The following COL25A1 variants were observed in gnomAD, a reference collection of about 807,000 sequenced individuals.
COL25A1 encodes the protein collagen type XXV alpha 1 chain, also known as collagen alpha-1(XXV) chain.
A neutral mutation model predicts 128.4 loss-of-function variants in COL25A1; 103 were observed. The ratio of observed to expected loss-of-function variants is 0.80; its 90% CI spans 0.68 to 0.94. The LOEUF is 0.94. Ranked by LOEUF, COL25A1 falls within the 40% of genes least tolerant of loss-of-function variation. The pLI is 0.00. For missense variants in COL25A1, 745 were observed against 840.0 expected, an observed-to-expected ratio of 0.89 and a Z score of 1.40; for synonymous variants, 279 against 277.2, an observed-to-expected ratio of 1.01 and a Z score of -0.06.
At chr4:108,898,667 G>A (rs1041732116) in intron 15 of COL25A1, among the ~76,000 whole-genome samples, 2 of 152,102 alleles carry the variant, frequency 1.3e-5, no homozygotes, top group African/African-American at 4.8e-5. Context: ...CTTTAACCTA[G>A]TGACATTAGA....
chr4:108,972,435 T>A (rs1205295426), intron 8 of COL25A1, among the ~76,000 whole-genome samples: 2 of 152,200 alleles, frequency 1.3e-5, no homozygotes, highest in African/African-American at 4.8e-5. Context: ...CTTGATATGA[T>A]CAATTTCCTA....
intron 19 of COL25A1, 36 bp from the exon 20 acceptor site, chr4:108,869,186 T>C (rs373979741): frequency 3.4e-6 from 3 of 890,656 alleles, no homozygotes; most frequent in East Asian, 5.5e-5. Context: ...CATTAATCAT[T>C]TGACAATAAA....
chr4:108,903,460 T>C (rs1341451259), intron 13 of COL25A1, among the ~76,000 whole-genome samples: 1 of 152,040 alleles, frequency 6.6e-6, no homozygotes, highest in East Asian at 1.9e-4. Context: ...TAATCATCTA[T>C]CAAAGTCAGG....
chr4:109,251,464 G>A (rs947499588), intron 3 of COL25A1, among the ~76,000 whole-genome samples: 2 of 152,156 alleles, frequency 1.3e-5, no homozygotes, highest in Non-Finnish European at 2.9e-5. Context: ...CACGCTAGGA[G>A]ATCCCCTATA....
intron 31 of COL25A1, among the ~76,000 whole-genome samples, chr4:108,841,367 T>TA (rs72386907): frequency 1.3e-5 from 2 of 151,836 alleles, no homozygotes; most frequent in Admixed American, 6.6e-5. Flanking sequence ...GAGACACCAT[T>TA]AAAAAAAAGC....
chr4:108,886,445 TGTGTGTGTG>T (rs1560805989), intron 18 of COL25A1, among the ~76,000 whole-genome samples: 2 of 11,094 alleles, frequency 1.8e-4, no homozygotes, highest in Non-Finnish European at 2.2e-4. Flanking sequence ...TGAGATTTTG[TGTGTGTGTG>T]TGTGTGTGTG....
intron 5 of COL25A1, among the ~76,000 whole-genome samples, chr4:109,026,193 C>CATTA (rs1351512605): frequency 6.6e-6 from 1 of 151,124 alleles, no homozygotes; most frequent in East Asian, 1.9e-4. Flanking sequence ...GGGTTAAGAA[C>CATTA]CCCTGACTAG....
rs184653927 is a variant in COL25A1, at chr4:108,997,517, G to A, written c.438+12841C>T. 9.3e-4 allele frequency among the ~76,000 whole-genome samples: 141 copies of A among 152,230 alleles called. 4 individuals carry two copies. The East Asian group carries it at 0.025, about 27-fold the overall frequency. ...AACCAAAAAAAGTCCAAGACCAGAC[G>A]AATTCACAGCCGAATTCTACCAGAG... On this transcript the variant is annotated intron_variant, in intron 6 of 37. Transcript: ENST00000399132.
At chr4:109,074,594 T>C (rs553113195) in intron 3 of COL25A1, among the ~76,000 whole-genome samples, 4 of 152,324 alleles carry the variant, frequency 2.6e-5, no homozygotes, top group Admixed American at 1.3e-4. Context: ...GAAATTTATA[T>C]AGGCAGTTGG....
chr4:109,134,577 C>CA (rs935467281), intron 3 of COL25A1, among the ~76,000 whole-genome samples: 6 of 152,094 alleles, frequency 3.9e-5, no homozygotes, highest in Admixed American at 6.5e-5. Flanking sequence ...ATAAGCATGA[C>CA]ATAGCCCTCA....
At chr4:108,966,305 T>C (rs1267150409) in intron 8 of COL25A1, among the ~76,000 whole-genome samples, 1 of 152,122 alleles carries the variant, frequency 6.6e-6, no homozygotes, top group African/African-American at 2.4e-5. Context: ...ATAAACTGAG[T>C]CTATCATAAT....
At chr4:109,246,534 A>G (rs1780279185) in intron 3 of COL25A1, among the ~76,000 whole-genome samples, 1 of 152,170 alleles carries the variant, frequency 6.6e-6, no homozygotes, top group Non-Finnish European at 1.5e-5. Flanking sequence ...CTTTCCTATC[A>G]AGTTTATGAT....
chr4:109,231,223 A>G (rs1578500729), intron 3 of COL25A1, among the ~76,000 whole-genome samples: 1 of 152,248 alleles, frequency 6.6e-6, no homozygotes. Flanking sequence ...ATTCATGGCC[A>G]GTGAGAGTTA....
In COL25A1 at chr4:108,941,376, C is replaced by G; in HGVS notation, c.554G>C (p.Arg185Pro). 1 of 1,613,320 alleles carries G rather than the reference C, an allele frequency of 6.2e-7. No individual in the cohort carries two copies. Among genetic ancestry groups the G allele is most frequent in the South Asian group, 1.1e-5 (1 of 91,050 alleles). ...LSADQQLIKR[R>P]LIKGDQGQAG... ...AAGAATAAGCACTACCTTAATCAGG[C>G]GGCGTTTAATGAGCTGCTGATCAGC... The change falls in exon 9 of 38, where the codon CGC becomes CCC. Residue 185 changes from arginine (R) to proline (P), a missense_variant. Arg to Pro is a moderately radical substitution (Grantham distance 103). Transcript: ENST00000399132.
chr4:108,886,484 G>GTTTTTTTT (rs1392899230), intron 18 of COL25A1, among the ~76,000 whole-genome samples: 9 of 82,764 alleles, frequency 1.1e-4, no homozygotes, highest in African/African-American at 3.7e-4. Context: ...GTGTGTGTGT[G>GTTTTTTTT]TGTGTGTGTT....
At chr4:109,242,100 C>T (rs1021277202) in intron 3 of COL25A1, among the ~76,000 whole-genome samples, 3 of 151,948 alleles carry the variant, frequency 2.0e-5, no homozygotes, top group African/African-American at 7.2e-5. Flanking sequence ...TTCTCTGTGA[C>T]ATTAGTGTCC....
chr4:108,907,116 G>C (rs1164213607), intron 13 of COL25A1, among the ~76,000 whole-genome samples: 1 of 152,186 alleles, frequency 6.6e-6, no homozygotes, highest in Non-Finnish European at 1.5e-5. Flanking sequence ...GCCCAGTTCA[G>C]TCCGAATCAC....
At chr4:108,884,432 C>A (rs1740528465) in intron 18 of COL25A1, among the ~76,000 whole-genome samples, 2 of 152,156 alleles carry the variant, frequency 1.3e-5, no homozygotes, top group South Asian at 4.1e-4. Context: ...TTGGGATTTT[C>A]TCTCTTCCTT....
At chr4:108,966,024 T>C (rs1054568436) in intron 8 of COL25A1, among the ~76,000 whole-genome samples, 1 of 152,222 alleles carries the variant, frequency 6.6e-6, no homozygotes, top group African/African-American at 2.4e-5. Context: ...TGATAATATA[T>C]ACAATTTTCG....
Sources: gnomAD v4.1 joint callset for allele counts (sites outside exome capture counted in the v4.1 genomes callset) on GRCh38, gnomAD v4.1.1 for gene constraint, MANE v1.5 for transcripts, NCBI Gene and HGNC (gene_info 2026-07-23, HGNC 2026-07-21) for gene names.